Variants in CSMD1 observed in about 807,000 individuals in gnomAD.
CSMD1 encodes the protein CUB and Sushi multiple domains 1.
In CSMD1, 213 loss-of-function variants were observed where a neutral mutation model predicts 417.5. That is an observed-to-expected ratio of 0.51 (90% CI 0.46 to 0.57). The LOEUF is 0.57. CSMD1 is among the 20% of genes least tolerant of loss of function. The pLI, the probability that CSMD1 is intolerant of heterozygous loss-of-function variation, is 0.00. For synonymous variants in CSMD1, 2,862 were observed against 1,736.8 expected, an observed-to-expected ratio of 1.65 and a Z score of -16.11; for missense variants, 6,923 against 4,529.7, an observed-to-expected ratio of 1.53 and a Z score of -15.17.
chr8:3,177,036 C>G (rs1288276117), intron 37 of CSMD1, among the ~76,000 whole-genome samples: 1 of 152,048 alleles, frequency 6.6e-6, no homozygotes, highest in Non-Finnish European at 1.5e-5. Context: ...CCACAGCCTC[C>G]CAAAGTGCTT....
chr8:4,104,311 T>C (rs1196050018), intron 3 of CSMD1, among the ~76,000 whole-genome samples: 1 of 152,234 alleles, frequency 6.6e-6, no homozygotes. Context: ...CAAGGATTGG[T>C]GTTCTCCACA....
At chr8:3,029,293 T>C (rs1423270266) in intron 51 of CSMD1, 26 bp downstream of exon 51, 1 of 1,554,500 alleles carries the variant, frequency 6.4e-7, no homozygotes, top group Admixed American at 1.8e-5. Flanking sequence ...GCCGTGACTT[T>C]CAGGGGTGCC....
intron 10 of CSMD1, among the ~76,000 whole-genome samples, chr8:3,547,493 G>C (rs1234757738): frequency 1.3e-5 from 2 of 152,106 alleles, no homozygotes; most frequent in Non-Finnish European, 2.9e-5. Context: ...CAACTTCTGA[G>C]CATATATTTA....
At chr8:3,319,544 T>C (rs975069) in intron 23 of CSMD1, among the ~76,000 whole-genome samples, 49,734 of 152,138 alleles carry the variant, frequency 0.33, 8,781 homozygotes, top group Non-Finnish European at 0.4. Flanking sequence ...ATCTAAATTA[T>C]ATTGAAATAT....
At chr8:3,531,791 C>G (rs1329899759) in intron 10 of CSMD1, among the ~76,000 whole-genome samples, 1 of 152,200 alleles carries the variant, frequency 6.6e-6, no homozygotes, top group Admixed American at 6.5e-5. Context: ...CATAGATAAG[C>G]AAGCTAGAAG....
intron 1 of CSMD1, among the ~76,000 whole-genome samples, chr8:4,814,220 G>A (rs185728519): frequency 1.1e-4 from 17 of 151,030 alleles, no homozygotes; most frequent in African/African-American, 3.4e-4. Context: ...GTGTGTGTGC[G>A]TGTGCGTGTG....
At chr8:3,490,484 T>C (rs1818308639) in intron 11 of CSMD1, among the ~76,000 whole-genome samples, 1 of 152,246 alleles carries the variant, frequency 6.6e-6, no homozygotes. Context: ...TCATTTATTT[T>C]AGTGACATCC....
intron 3 of CSMD1, among the ~76,000 whole-genome samples, chr8:4,273,629 T>G (rs1206430552): frequency 6.6e-6 from 1 of 152,194 alleles, no homozygotes; most frequent in African/African-American, 2.4e-5. Flanking sequence ...TTTCTGTATT[T>G]TATCTAGAAA....
chr8:2,982,828 C>A (rs973511864), intron 54 of CSMD1, among the ~76,000 whole-genome samples: 1 of 152,146 alleles, frequency 6.6e-6, no homozygotes, highest in Non-Finnish European at 1.5e-5. Flanking sequence ...TGATAATTCC[C>A]ATCCCAGGTT....
In CSMD1 at chr8:3,029,354, G is replaced by A. The variant is rs370511275; in HGVS notation, c.7820C>T (p.Thr2607Met). 4.0e-5 allele frequency: 65 copies of A among 1,609,976 alleles called. No homozygotes were observed. The highest frequency in any genetic ancestry group is 6.7e-5 in the East Asian group (3 of 44,756). ...WRLLRCQANGTWNIGDERPSC... is the reference protein window; with the variant it reads ...WRLLRCQANGMWNIGDERPSC... ...TGGCCTCTCATCTCCTATGTTCCAC[G>A]TCCCATTGGCCTGGCACCGCAGGAG... Residue 2607 changes from threonine (T) to methionine (M), a missense_variant, in exon 51 of 70, where the codon ACG becomes ATG. By Grantham distance (81) the Thr-to-Met change is moderately conservative. Coordinates refer to ENST00000635120, the MANE Select transcript of CSMD1 (RefSeq NM_033225.6).
chr8:4,756,242 G>A (rs1185448486), intron 1 of CSMD1, among the ~76,000 whole-genome samples: 2 of 152,134 alleles, frequency 1.3e-5, no homozygotes, highest in African/African-American at 2.4e-5. Context: ...GATGAAATGG[G>A]TTATACAGAA....
chr8:4,464,310 C>G lies in CSMD1; in HGVS notation c.303-44245G>C, dbSNP rs1446747513. On this transcript the variant is annotated intron_variant, in intron 2 of 69. Transcript: ENST00000635120. ...TATGTATGCATGCAATGGACAGACG[C>G]TCTTCAACTTACAGTGCGGTTATGT... Among the ~76,000 whole-genome samples, 5 of 152,170 alleles carry G rather than the reference C, an allele frequency of 3.3e-5. No individual in the cohort carries two copies. The South Asian group carries it at 6.2e-4, about 19-fold the overall frequency.
chr8:4,779,340 C>T (rs1009911921), intron 1 of CSMD1, among the ~76,000 whole-genome samples: 5 of 152,222 alleles, frequency 3.3e-5, no homozygotes, highest in East Asian at 1.9e-4. Context: ...GAAACTAACT[C>T]GAACTGGCTC....
intron 5 of CSMD1, among the ~76,000 whole-genome samples, chr8:3,819,250 G>A (rs573753382): frequency 6.6e-6 from 1 of 152,202 alleles, no homozygotes; most frequent in East Asian, 1.9e-4. Context: ...AAACACCTCT[G>A]CTTCATACCT....
chr8:4,171,063 T>C (rs1245010454), intron 3 of CSMD1, among the ~76,000 whole-genome samples: 5 of 151,858 alleles, frequency 3.3e-5, no homozygotes, highest in Non-Finnish European at 4.4e-5. Context: ...CATCTGTCAG[T>C]GTTCCCCTCC....
At chr8:3,684,208 TA>T (rs1355763853) in intron 7 of CSMD1, among the ~76,000 whole-genome samples, 7 of 141,216 alleles carry the variant, frequency 5.0e-5, no homozygotes, top group South Asian at 2.1e-4. Flanking sequence ...CATGTAATTA[TA>T]TATAATATAT....
At chr8:4,787,617 G>C in intron 1 of CSMD1, 1 of 1,564,106 alleles carries the variant, frequency 6.4e-7, no homozygotes, top group Non-Finnish European at 8.8e-7. Context: ...GTTTGCAGAA[G>C]AATAGCAACT....
At chr8:4,081,011 G>C (rs552765696) in intron 3 of CSMD1, among the ~76,000 whole-genome samples, 1 of 151,968 alleles carries the variant, frequency 6.6e-6, no homozygotes, top group Admixed American at 6.6e-5. Context: ...TCCCCTTTTC[G>C]CCTTTGCCTC....
chr8:4,218,397 C>G (rs1430212371), intron 3 of CSMD1, among the ~76,000 whole-genome samples: 1 of 152,148 alleles, frequency 6.6e-6, no homozygotes, highest in Non-Finnish European at 1.5e-5. Flanking sequence ...TTCTCTATCT[C>G]AACTCGAAAA....
Sources: allele counts gnomAD v4.1 joint callset (sites outside exome capture counted in the v4.1 genomes callset), GRCh38; gene constraint gnomAD v4.1.1; transcripts MANE v1.5; gene names NCBI Gene and HGNC (gene_info 2026-07-23, HGNC 2026-07-21).